Variants in KLHL13 observed in about 807,000 individuals in gnomAD.
The protein encoded by KLHL13 is kelch like family member 13.
A neutral mutation model predicts 37.1 loss-of-function variants in KLHL13; 10 were observed. That is an observed-to-expected ratio of 0.27 (90% CI 0.17 to 0.46). The LOEUF is 0.46. KLHL13 is among the 20% of genes least tolerant of loss of function. The probability of loss-of-function intolerance (pLI) is 1.00; values close to 1 mark genes in which losing one functional copy is unlikely to be tolerated. For synonymous variants in KLHL13, 163 were observed against 181.2 expected, an observed-to-expected ratio of 0.90 and a Z score of 0.81; for missense variants, 360 against 509.3, an observed-to-expected ratio of 0.71 and a Z score of 2.82.
intron 1 of KLHL13, among the ~76,000 whole-genome samples, chrX:118,100,980 G>C (rs2055281820): frequency 9.0e-6 from 1 of 110,981 alleles, no homozygotes; most frequent in African/African-American, 3.3e-5. Flanking sequence ...TAACGATATT[G>C]CAAGATCCTT....
upstream of KLHL13, among the ~76,000 whole-genome samples, chrX:117,977,908 T>G (rs187419204): frequency 5.6e-4 from 63 of 112,370 alleles, no homozygotes; most frequent in Non-Finnish European, 1.0e-3. Context: ...GCATGTGTGT[T>G]TGTGTGTATC....
At chrX:117,963,461 G>A (rs1378937472) in intron 1 of KLHL13, among the ~76,000 whole-genome samples, 1 of 111,642 alleles carries the variant, frequency 9.0e-6, no homozygotes, top group Non-Finnish European at 1.9e-5. Flanking sequence ...AAGACACTAT[G>A]AACTTTAAAC....
At chrX:117,965,416 C>G (rs952842599) in intron 1 of KLHL13, among the ~76,000 whole-genome samples, 2 of 111,709 alleles carry the variant, frequency 1.8e-5, no homozygotes, top group Non-Finnish European at 3.8e-5. Flanking sequence ...ATATCCTTCG[C>G]CCACTTGTTG....
At chrX:117,967,572 G>T (rs1013429788) in intron 1 of KLHL13, among the ~76,000 whole-genome samples, 5 of 111,184 alleles carry the variant, frequency 4.5e-5, no homozygotes, top group Non-Finnish European at 9.4e-5. Flanking sequence ...TTTGCAATGG[G>T]GGAAGCGATT....
chrX:118,019,727 C>G (rs2054177566), intron 1 of KLHL13, among the ~76,000 whole-genome samples: 1 of 109,260 alleles, frequency 9.2e-6, no homozygotes, highest in Non-Finnish European at 1.9e-5. Flanking sequence ...CCAGTTTTCC[C>G]AGCACCATTT....
At chrX:118,104,688 A>C (rs746656304) in intron 1 of KLHL13, among the ~76,000 whole-genome samples, 2 of 111,933 alleles carry the variant, frequency 1.8e-5, no homozygotes, top group Non-Finnish European at 3.8e-5. Flanking sequence ...TGTTAGACTG[A>C]GCATAAATCA....
intron 1 of KLHL13, among the ~76,000 whole-genome samples, chrX:118,082,525 T>G (rs770630418): frequency 1.3e-4 from 15 of 111,896 alleles, no homozygotes; most frequent in Non-Finnish European, 2.8e-4. Flanking sequence ...AGATGCACAG[T>G]TTGAAAATAT....
intron 1 of KLHL13, among the ~76,000 whole-genome samples, chrX:118,042,270 A>G (rs2054513692): frequency 9.0e-6 from 1 of 111,612 alleles, no homozygotes; most frequent in Admixed American, 9.6e-5. Flanking sequence ...AGACTTTAAT[A>G]ACCCATTTTC....
intron 1 of KLHL13, among the ~76,000 whole-genome samples, chrX:117,954,193 A>G (rs1473518848): frequency 8.9e-6 from 1 of 112,018 alleles, no homozygotes; most frequent in Non-Finnish European, 1.9e-5. Flanking sequence ...TCAAAATAAT[A>G]TTTGCTCCCT....
intron 4 of KLHL13, among the ~76,000 whole-genome samples, chrX:117,913,826 A>G (rs548227924): frequency 9.3e-6 from 1 of 107,084 alleles, no homozygotes; most frequent in Non-Finnish European, 1.9e-5. Flanking sequence ...CTGGTGACAG[A>G]GCAAGACTCC....
At chrX:117,941,496 T>G (rs1338692538) in intron 2 of KLHL13, among the ~76,000 whole-genome samples, 2 of 111,876 alleles carry the variant, frequency 1.8e-5, no homozygotes, top group Non-Finnish European at 3.8e-5. Context: ...GGCTATTAAT[T>G]ACTGCCTCAA....
At chrX:118,073,155 C>T (rs2054890235) in intron 1 of KLHL13, among the ~76,000 whole-genome samples, 1 of 110,175 alleles carries the variant, frequency 9.1e-6, no homozygotes, top group African/African-American at 3.3e-5. Flanking sequence ...TCTCCCTTCT[C>T]CCCTATATTA....
intron 1 of KLHL13, among the ~76,000 whole-genome samples, chrX:117,985,968 A>G (rs1246934196): frequency 9.0e-6 from 1 of 111,247 alleles, no homozygotes; most frequent in African/African-American, 3.3e-5. Flanking sequence ...AAATAAAACT[A>G]CACATGATGT....
intron 1 of KLHL13, among the ~76,000 whole-genome samples, chrX:118,057,509 T>A (rs1355362530): frequency 8.9e-6 from 1 of 112,363 alleles, no homozygotes; most frequent in Admixed American, 9.4e-5. Context: ...AACTTGTGCA[T>A]CACTGGACAT....
intron 5 of KLHL13, among the ~76,000 whole-genome samples, chrX:117,906,788 T>C (rs776667780): frequency 4.5e-5 from 5 of 111,657 alleles, no homozygotes; most frequent in Non-Finnish European, 9.4e-5. Flanking sequence ...ATCTATGAGG[T>C]CATTATAGAT....
intron 1 of KLHL13, among the ~76,000 whole-genome samples, chrX:118,103,576 A>T (rs1396465224): frequency 8.9e-6 from 1 of 112,291 alleles, no homozygotes; most frequent in African/African-American, 3.2e-5. Context: ...GAGCAACCTA[A>T]GATTAACACA....
At chrX:118,098,423 C>A (rs981030880) in intron 1 of KLHL13, among the ~76,000 whole-genome samples, 2 of 110,856 alleles carry the variant, frequency 1.8e-5, no homozygotes, top group African/African-American at 6.6e-5. Flanking sequence ...AGTCAGGAAA[C>A]AACAGGTGCT....
At chrX:117,994,951 G>A (rs1220291476) in intron 1 of KLHL13, among the ~76,000 whole-genome samples, 1 of 111,823 alleles carries the variant, frequency 8.9e-6, no homozygotes, top group Non-Finnish European at 1.9e-5. Context: ...GGGACGCTGA[G>A]GTGGGAGGAT....
intron 1 of KLHL13, among the ~76,000 whole-genome samples, chrX:118,111,942 C>T (rs1046627671): frequency 9.0e-5 from 10 of 111,683 alleles, no homozygotes; most frequent in African/African-American, 3.3e-4. Context: ...GTGGGCCTAG[C>T]TAATTCATGT....
Sources: gnomAD v4.1 joint callset for allele counts (sites outside exome capture counted in the v4.1 genomes callset) on GRCh38, gnomAD v4.1.1 for gene constraint, MANE v1.5 for transcripts, NCBI Gene and HGNC (gene_info 2026-07-23, HGNC 2026-07-21) for gene names.